KANK3: variants seen among roughly 807,000 people sequenced by gnomAD.
KANK3 encodes the protein KN motif and ankyrin repeat domains 3, also known as KN motif and ankyrin repeat domain-containing protein 3.
In KANK3, 61 loss-of-function variants were observed where a neutral mutation model predicts 65.4. The ratio of observed to expected loss-of-function variants is 0.93; its 90% confidence interval spans 0.76 to 1.15. KANK3 has a LOEUF of 1.15. Among genes scored for constraint, KANK3 ranks in the 50% most tolerant of loss-of-function variants. KANK3 has a pLI of 0.00. For missense variants in KANK3, 1,187 were observed against 1,178.8 expected (o/e 1.01, Z -0.10); for synonymous variants, 586 against 543.3 (o/e 1.08, Z -1.09).
rs911474222 is a variant in KANK3, at chr19:8,333,178, C to T, written c.1772G>A (p.Arg591His). 1.3e-5 allele frequency: 21 copies of T among 1,612,744 alleles called. No homozygotes were observed. Among genetic ancestry groups the T allele is most frequent in the Non-Finnish European group, 1.5e-5 (18 of 1,179,880 alleles). ...CCTGGCCACGGGCTCCGCCTGAGAG[C>T]GCCGCTGGCTGGACACTCGAAACCA... ...QEWFRVSSQR[R>H]SQAEPVARML... The change falls in exon 7 of 11, where the codon CGC becomes CAC. Residue 591 changes from arginine to histidine, a missense_variant. By Grantham distance (29) the Arg-to-His change is conservative. Coordinates refer to ENST00000330915, the MANE Select transcript of KANK3 (RefSeq NM_198471.3). The surrounding 1 kb of genome is among the most constrained non-coding windows in gnomAD (Gnocchi z 5.0).
In KANK3 at chr19:8,335,488, C is replaced by A. The variant is rs763992074; in HGVS notation, c.339G>T (p.Gly113=). The change falls in exon 3 of 11, where the codon GGG becomes GGT. Residue 113 remains glycine (G), a synonymous_variant. Transcript: ENST00000330915. ...GCGGCGACAGCGGCTGCATCAGGAGCCCCGAGGGCGCGCCCTGGGAGAGTA... is the reference window on the plus strand; with the variant it reads ...GCGGCGACAGCGGCTGCATCAGGAGACCCGAGGGCGCGCCCTGGGAGAGTA... ...PGILSQGAPS[G]LLMQPLSPRA... is the part of the protein sequence containing the mutation. The A allele has an allele frequency of 2.4e-6, 3 of 1,238,672 alleles. No homozygotes were observed. The Admixed American group carries it at 1.2e-4, about 51-fold the overall frequency. The allele number at this position is 1,238,672 out of a possible 1,614,324, so 76.7% of individuals were successfully genotyped here. A position where few individuals can be genotyped will look rare whatever the true frequency, so the allele number is the denominator to read the frequency against.
intron 7 of KANK3, 57 bp from the exon 8 acceptor site, chr19:8,325,153 C>T: frequency 6.5e-7 from 1 of 1,532,550 alleles, no homozygotes; most frequent in South Asian, 1.2e-5. Flanking sequence ...CCGACTTGAT[C>T]CACTCACCTC....
chr19:8,334,759 C>G lies in KANK3; in HGVS notation c.1068G>C (p.Glu356Asp), dbSNP rs754203001. Residue 356 changes from glutamate (E) to aspartate (D), a missense_variant, in exon 3 of 11, where the codon GAG becomes GAC. By Grantham distance (45) the Glu-to-Asp change is conservative. Transcript: ENST00000330915. ...GGTGCTCCAGACTGGCGCGCAGCAG[C>G]TCTAGCTCGCGCTCGGCGGCCGCAG... ...GLPAAAEREL[E>D]LLRASLEHQR... The G allele has an allele frequency of 1.7e-4, 257 of 1,508,486 alleles. No homozygotes were observed. Among genetic ancestry groups the G allele is most frequent in the Non-Finnish European group, 2.1e-4 (237 of 1,137,170 alleles). The allele number at this position is 1,508,486 out of a possible 1,614,324, so 93.4% of individuals were successfully genotyped here. A position where few individuals can be genotyped will look rare whatever the true frequency, so the allele number is the denominator to read the frequency against.
rs1166441751 is a variant in KANK3 at position 8,331,980 on chromosome 19, CTTTTTTTTTTTTTTTT to C, written c.1936+1018_1936+1033del. On this transcript the variant is annotated intron_variant, in intron 7 of 10. Coordinates refer to ENST00000330915, the MANE Select transcript of KANK3 (RefSeq NM_198471.3). ...GGGGTATGGTGGGGCCAAAAGGCCT[CTTTTTTTTTTTTTTTT>C]TTTTTTTTTTTTTGAGATGGAGTCT... 4.6e-4 allele frequency among the ~76,000 whole-genome samples: 31 copies of C among 67,900 alleles called. 1 individual carries two copies. The highest frequency in any genetic ancestry group is 5.8e-4 in the South Asian group (1 of 1,728). 44.5% of individuals were successfully genotyped at this position (67,900 alleles called of 152,430 possible).
In KANK3 at chr19:8,342,468, G is replaced by A. The variant is rs556535722; in HGVS notation, c.-29+757C>T. The stretch of plus-strand genomic sequence containing the variant: ...AGCTAGATCCGGATTCTGTGCCTGA[G>A]ACCCCCTCATTAGGCCGTCAGAGCC... On this transcript the variant is annotated intron_variant, in intron 1 of 10. Transcript: ENST00000330915. 4.8e-4 allele frequency among the ~76,000 whole-genome samples: 73 copies of A among 152,246 alleles called. No individual in the cohort carries two copies. In the South Asian group the frequency reaches 0.015, roughly 31 times the overall value.
At chr19:8,337,704 T>C in intron 2 of KANK3, 91 bp downstream of exon 2, 1 of 1,465,182 alleles carries the variant, frequency 6.8e-7, no homozygotes, top group Middle Eastern at 1.7e-4. Context: ...GACTGCACTC[T>C]AGGGCTGTAG....
Position 8,322,745 on chromosome 19 carries a change from G to A in KANK3, c.*94C>T. On this transcript the variant is annotated 3_prime_UTR_variant, in exon 11 of 11. Transcript: ENST00000330915. ...CTCTTCGGCCAGTGTTAGCCTCTGA[G>A]CAGGGGACCCTGGACCCTTCTGTGC... is the stretch of plus-strand genomic sequence containing the variant. The A allele has an allele frequency of 2.3e-6, 2 of 886,400 alleles. No individual in the cohort carries two copies. Among genetic ancestry groups the A allele is most frequent in the Non-Finnish European group, 3.5e-6 (2 of 565,588 alleles). The allele number at this position is 886,400 out of a possible 1,614,324, so 54.9% of individuals were successfully genotyped here.
chr19:8,341,780 T>C (rs1269401798), intron 1 of KANK3, among the ~76,000 whole-genome samples: 2 of 152,172 alleles, frequency 1.3e-5, no homozygotes, highest in Admixed American at 6.6e-5. Flanking sequence ...CATGAGCTAC[T>C]GCACCTGACC....
chr19:8,335,462 CGCGGCGACA>C lies in KANK3; in HGVS notation c.356_364del (p.Leu119_Pro121del). 1 of 1,230,868 alleles carries C rather than the reference CGCGGCGACA, an allele frequency of 8.1e-7. No homozygotes were observed. The highest frequency in any genetic ancestry group is 2.7e-4 in the Middle Eastern group (1 of 3,644). The allele number at this position is 1,230,868 out of a possible 1,614,324, so 76.2% of individuals were successfully genotyped here. On this transcript the variant is annotated inframe_deletion, in exon 3 of 11. Transcript: ENST00000330915. ...GACGCGCGGGTTGCGCACGGGCGCG[CGCGGCGACA>C]GCGGCTGCATCAGGAGCCCCGAGGG...
chr19:8,327,122 G>A (rs111292983), intron 7 of KANK3, among the ~76,000 whole-genome samples: 3,373 of 152,186 alleles, frequency 0.022, 174 homozygotes, highest in South Asian at 0.17. Context: ...GGAAAGGAGC[G>A]GGGTCGGGGT....
chr19:8,334,605 A>C lies in KANK3; in HGVS notation c.1222T>G (p.Cys408Gly). The change falls in exon 3 of 11, where the codon TGT becomes GGT. Residue 408 changes from cysteine to glycine, a missense_variant. Physicochemically the swap from Cys to Gly is radical, Grantham distance 159. This residue lies in a region of KANK3 where 1,078 missense variants were observed against 1,038.2 expected (regional missense o/e 1.04). Coordinates refer to ENST00000330915, the MANE Select transcript of KANK3 (RefSeq NM_198471.3). ...REATTQTPWS[C>G]AEKAAQTESP... ...TCGGTCTGCGCGGCCTTTTCGGCAC[A>C]GCTCCACGGGGTCTGGGTGGTGGCC... 1 of 1,584,338 alleles carries C rather than the reference A, an allele frequency of 6.3e-7. No homozygotes were observed. Among genetic ancestry groups the C allele is most frequent in the Non-Finnish European group, 8.5e-7 (1 of 1,173,222 alleles).
Position 8,333,702 on chromosome 19 carries a change from G to A in KANK3, c.1719+22C>T. 1 of 1,441,292 alleles carries A rather than the reference G, an allele frequency of 6.9e-7. No individual in the cohort carries two copies. The highest frequency in any genetic ancestry group is 9.1e-7 in the Non-Finnish European group (1 of 1,095,766). 89.3% of individuals were successfully genotyped at this position (1,441,292 alleles called of 1,614,324 possible). A position where few individuals can be genotyped will look rare whatever the true frequency, so the allele number is the denominator to read the frequency against. On this transcript the variant is annotated intron_variant, in intron 6 of 10. Transcript: ENST00000330915. The surrounding 1 kb of genome is among the most constrained non-coding windows in gnomAD (Gnocchi z 5.0). ...GGAGGCTCCCACGCCACTCCCTGGT[G>A]CTGCGCTCCCGGGGCACTCACGCCG...
At position 8,334,439 on chromosome 19, in the gene KANK3, G is replaced by A. The variant is rs1970589606; in HGVS notation, c.1328-20C>T. Reference sequence around the variant, plus strand: ...GGATGCCTGGCGGGGATGAGATGAGGGCACTGAGTTCGAGTCCGGCGCCGA... The same window carrying A: ...GGATGCCTGGCGGGGATGAGATGAGAGCACTGAGTTCGAGTCCGGCGCCGA... On this transcript the variant is annotated intron_variant, in intron 3 of 10. Coordinates refer to ENST00000330915, the MANE Select transcript of KANK3 (RefSeq NM_198471.3). The A allele has an allele frequency of 1.9e-6, 3 of 1,613,018 alleles. No homozygotes were observed. Among genetic ancestry groups the A allele is most frequent in the Non-Finnish European group, 2.5e-6 (3 of 1,179,998 alleles).
chr19:8,342,849 C>T (rs1029092193), intron 1 of KANK3, among the ~76,000 whole-genome samples: 1 of 152,320 alleles, frequency 6.6e-6, no homozygotes, highest in East Asian at 1.9e-4. Flanking sequence ...CCGTGCGTCC[C>T]TCCCCAAAAC....
chr19:8,335,343 G>A lies in KANK3; in HGVS notation c.484C>T (p.Arg162Cys), dbSNP rs1392697759. 5.0e-6 allele frequency: 6 copies of A among 1,194,200 alleles called. 1 individual carries two copies. The highest frequency in any genetic ancestry group is 6.2e-6 in the Non-Finnish European group (6 of 964,292). 74.0% of individuals were successfully genotyped at this position (1,194,200 alleles called of 1,614,324 possible). A position where few individuals can be genotyped will look rare whatever the true frequency, so the allele number is the denominator to read the frequency against. ...GCGGGGCTGCTGCGGCCGGACCCGC[G>A]TGGGCTGCGCGGGACCCCGCGGCCG... ...SPGRGVPRSP[R>C]GSGRSSPAPN... Residue 162 changes from arginine (R) to cysteine (C), a missense_variant, in exon 3 of 11, where the codon CGC (arginine) becomes TGC (cysteine). Transcript: ENST00000330915.
At chr19:8,324,393 C>T (rs1970380589) in intron 10 of KANK3, 56 bp downstream of exon 10, 4 of 1,479,332 alleles carry the variant, frequency 2.7e-6, no homozygotes, top group Non-Finnish European at 3.7e-6. Context: ...ATTTACTATC[C>T]TCTGCAAACT....
chr19:8,332,985 T>C (rs1258716680), intron 7 of KANK3, 29 bp downstream of exon 7: 5 of 585,706 alleles, frequency 8.5e-6, no homozygotes, highest in African/African-American at 1.9e-5. Flanking sequence ...CATTTCCTGG[T>C]GTCCCACCCA....
At position 8,333,181 on chromosome 19, in the gene KANK3, C is replaced by T. The variant is rs996229468; in HGVS notation, c.1769G>A (p.Arg590Gln). 4 of 1,612,692 alleles carry T rather than the reference C, an allele frequency of 2.5e-6. No individual in the cohort carries two copies. The highest frequency in any genetic ancestry group is 4.5e-5 in the East Asian group (2 of 44,892). The change falls in exon 7 of 11, where the codon CGG becomes CAG. Residue 590 changes from arginine to glutamine, a missense_variant. This residue lies in a region of KANK3 where 1,078 missense variants were observed against 1,038.2 expected (regional missense o/e 1.04). Coordinates refer to ENST00000330915, the MANE Select transcript of KANK3 (RefSeq NM_198471.3). This position sits in a 1 kb window ranked among gnomAD's most constrained non-coding sequence, Gnocchi z 5.0. ...GGCCACGGGCTCCGCCTGAGAGCGCCGCTGGCTGGACACTCGAAACCACTC... is the reference window on the plus strand; with the variant it reads ...GGCCACGGGCTCCGCCTGAGAGCGCTGCTGGCTGGACACTCGAAACCACTC... ...AQEWFRVSSQ[R>Q]RSQAEPVARM...
At chr19:8,331,215 G>A (rs1256238422) in intron 7 of KANK3, among the ~76,000 whole-genome samples, 2 of 118,332 alleles carry the variant, frequency 1.7e-5, no homozygotes, top group Admixed American at 8.9e-5. Flanking sequence ...CAACAAAAAA[G>A]GGGTGGGGGG....
Sources: allele counts gnomAD v4.1 joint callset (sites outside exome capture counted in the v4.1 genomes callset), GRCh38; gene constraint gnomAD v4.1.1; regional missense constraint gnomAD v4.1.1; non-coding constraint Gnocchi (gnomAD v3.1); transcripts MANE v1.5; gene names NCBI Gene and HGNC (gene_info 2026-07-23, HGNC 2026-07-21).